The following ZXDC variants were observed in gnomAD, a reference collection of about 807,000 sequenced individuals.
The protein encoded by ZXDC is zinc finger protein ZXDC.
A neutral mutation model predicts 63.6 loss-of-function variants in ZXDC; 58 were observed. The observed-to-expected ratio is 0.91, with a 90% CI of 0.74 to 1.13. The LOEUF (loss-of-function observed/expected upper bound fraction) is 1.13. Ranked by LOEUF, ZXDC falls within the 50% of genes most tolerant of loss-of-function variation. The pLI is 0.00. For synonymous variants in ZXDC, 561 were observed against 496.1 expected, an observed-to-expected ratio of 1.13 and a Z score of -1.74; for missense variants, 1,133 against 1,148.9, an observed-to-expected ratio of 0.99 and a Z score of 0.20.
rs137893633 is a variant in ZXDC, at chr3:126,452,334, C to A, written c.2212+7319G>T. 6.9e-5 allele frequency: 68 copies of A among 985,456 alleles called. No individual in the cohort carries two copies. In the African/African-American group the frequency reaches 1.1e-3, roughly 16 times the overall value. The allele number at this position is 985,456 out of a possible 1,614,324, so 61.0% of individuals were successfully genotyped here. A position where few individuals can be genotyped will look rare whatever the true frequency, so the allele number is the denominator to read the frequency against. Reference sequence around the variant, plus strand: ...TTCTGCATGAAATCGCACTACAATGCTGTGGGAAGAGTGAGAGGCTTCTCT... The same window carrying A: ...TTCTGCATGAAATCGCACTACAATGATGTGGGAAGAGTGAGAGGCTTCTCT... On this transcript the variant is annotated intron_variant, in intron 7 of 9. Transcript: ENST00000389709.
Position 126,461,887 on chromosome 3 carries a change from T to C in ZXDC, c.1775A>G (p.Gln592Arg). 1 of 1,614,200 alleles carries C rather than the reference T, an allele frequency of 6.2e-7. No individual in the cohort carries two copies. Among genetic ancestry groups the C allele is most frequent in the South Asian group, 1.1e-5 (1 of 91,070 alleles). Residue 592 changes from glutamine (Q) to arginine (R), a missense_variant, in exon 6 of 10, where the codon CAG becomes CGG. Transcript: ENST00000389709. ...GTCATCCACACTGAAGCTGCCCTGCTGCAGAACCGTGGCTGCTGTCCCGAG... is the reference window on the plus strand; with the variant it reads ...GTCATCCACACTGAAGCTGCCCTGCCGCAGAACCGTGGCTGCTGTCCCGAG... ...LVLGTAATVL[Q>R]QGSFSVDDVQ... is the part of the protein sequence containing the mutation.
intron 7 of ZXDC, among the ~76,000 whole-genome samples, chr3:126,449,923 G>A (rs1934033020): frequency 6.6e-6 from 1 of 152,230 alleles, no homozygotes. Flanking sequence ...AGGACGCTCT[G>A]TGGAGAAGGA....
chr3:126,451,399 C>T, intron 7 of ZXDC: 1 of 985,416 alleles, frequency 1.0e-6, no homozygotes, highest in Non-Finnish European at 1.2e-6. Flanking sequence ...AACAGTCCCG[C>T]ACTGAGCAGC....
In ZXDC at chr3:126,470,082, C is replaced by T. The variant is rs191386044; in HGVS notation, c.1270+813G>A. Among the ~76,000 whole-genome samples, 7 of 152,316 alleles carry T rather than the reference C, an allele frequency of 4.6e-5. No homozygotes were observed. The East Asian group carries it at 1.2e-3, about 25-fold the overall frequency. On this transcript the variant is annotated intron_variant, in intron 4 of 9. Coordinates refer to ENST00000389709, the MANE Select transcript of ZXDC (RefSeq NM_025112.5). ...CTGCAGAACTAGAGTAGGGCCAGCA[C>T]GCACAAGTCACGCACAGGTCACGCA...
chr3:126,441,314 G>A (rs1335371220), intron 8 of ZXDC: 1 of 997,700 alleles, frequency 1.0e-6, no homozygotes, highest in Non-Finnish European at 1.2e-6. Context: ...CTTCAGCATA[G>A]AAAGGCTGCT....
chr3:126,464,720 G>A (rs1295282132), intron 5 of ZXDC, among the ~76,000 whole-genome samples: 1 of 152,070 alleles, frequency 6.6e-6, no homozygotes, highest in Non-Finnish European at 1.5e-5. Flanking sequence ...CAGGGGAGAG[G>A]CCTAAGTGAT....
At chr3:126,449,440 A>G (rs554990015) in intron 7 of ZXDC, among the ~76,000 whole-genome samples, 45 of 152,290 alleles carry the variant, frequency 3.0e-4, no homozygotes, top group Admixed American at 5.9e-4. Flanking sequence ...CTACAAAGCC[A>G]GGTCCCATCA....
chr3:126,472,497 A>G (rs1024543421), intron 1 of ZXDC, among the ~76,000 whole-genome samples, 192 bp from the exon 2 acceptor site: 2 of 152,224 alleles, frequency 1.3e-5, no homozygotes, highest in Non-Finnish European at 2.9e-5. Flanking sequence ...AGCTAATGGC[A>G]GCCAATAGGC....
At chr3:126,469,995 T>C (rs1444065468) in intron 4 of ZXDC, among the ~76,000 whole-genome samples, 1 of 152,142 alleles carries the variant, frequency 6.6e-6, no homozygotes, top group African/African-American at 2.4e-5. Flanking sequence ...TAGGGAGCGG[T>C]AGAGCCAGAC....
At chr3:126,439,313 C>T (rs1299425493) in intron 9 of ZXDC, among the ~76,000 whole-genome samples, 4 of 152,364 alleles carry the variant, frequency 2.6e-5, no homozygotes, top group Non-Finnish European at 5.9e-5. Flanking sequence ...TGAATTCATC[C>T]GAGTCTATTC....
intron 8 of ZXDC, chr3:126,441,261 C>T (rs1933663906): frequency 9.1e-6 from 9 of 986,268 alleles, no homozygotes; most frequent in Admixed American, 6.1e-5. Context: ...GGCTCTGTTT[C>T]GTAGGAAAGA....
At chr3:126,472,961 G>A (rs761456725) in intron 1 of ZXDC, among the ~76,000 whole-genome samples, 1 of 152,206 alleles carries the variant, frequency 6.6e-6, no homozygotes, top group Non-Finnish European at 1.5e-5. Context: ...CTCCAACAGG[G>A]TGGAAAACAT....
intron 7 of ZXDC, among the ~76,000 whole-genome samples, chr3:126,444,212 A>G (rs528439056): frequency 2.5e-4 from 38 of 152,330 alleles, no homozygotes; most frequent in Non-Finnish European, 4.9e-4. Context: ...TTTAAATTCA[A>G]ATAAAAATAC....
At chr3:126,442,911 C>T (rs1220986845) in intron 7 of ZXDC, 2 of 152,242 alleles carry the variant, frequency 1.3e-5, no homozygotes, top group East Asian at 3.8e-4. Flanking sequence ...GGCTGTTTGA[C>T]AGGAAGGTTC....
rs538420611 is a variant in ZXDC, at chr3:126,469,356, C to T, written c.1270+1539G>A. ...CATCCCCTGCCCTCTGCGCATTAGA[C>T]GCACAAGGGTACCAAAAACACAACA... On this transcript the variant is annotated intron_variant, in intron 4 of 9. Transcript: ENST00000389709. Among the ~76,000 whole-genome samples the T allele has an allele frequency of 5.3e-5, 8 of 152,308 alleles. No individual in the cohort carries two copies. In the East Asian group the frequency reaches 9.7e-4, roughly 18 times the overall value.
chr3:126,466,061 C>A (rs1934745164), intron 5 of ZXDC, 94 bp downstream of exon 5: 2 of 1,458,118 alleles, frequency 1.4e-6, no homozygotes, highest in African/African-American at 2.8e-5. Flanking sequence ...TGCCTGACGC[C>A]TTCCAAGAGG....
At chr3:126,471,713 T>A (rs1191245424) in intron 3 of ZXDC, among the ~76,000 whole-genome samples, 3 of 151,644 alleles carry the variant, frequency 2.0e-5, no homozygotes, top group African/African-American at 7.3e-5. Flanking sequence ...AAAAAAAACC[T>A]GGAATTGTTT....
In ZXDC at chr3:126,457,684, G is replaced by A. The variant is rs150765932; in HGVS notation, c.2212+1969C>T. The A allele has an allele frequency of 5.0e-5, 49 of 979,448 alleles. No individual in the cohort carries two copies. The East Asian group carries it at 2.3e-3, about 45-fold the overall frequency. The allele number at this position is 979,448 out of a possible 1,614,324, so 60.7% of individuals were successfully genotyped here. A position where few individuals can be genotyped will look rare whatever the true frequency, so the allele number is the denominator to read the frequency against. Reference sequence around the variant, plus strand: ...TCAGGGTAAAAAAACGAGAAGCTGCGCTTTATAGACATGTCCCAGCTATAA... The same window carrying A: ...TCAGGGTAAAAAAACGAGAAGCTGCACTTTATAGACATGTCCCAGCTATAA... On this transcript the variant is annotated intron_variant, in intron 7 of 9. Transcript: ENST00000389709.
intron 8 of ZXDC, chr3:126,440,585 C>T: frequency 1.0e-6 from 1 of 986,242 alleles, no homozygotes; most frequent in Non-Finnish European, 1.2e-6. Flanking sequence ...TGACTCTGTA[C>T]CTCTGCCCTG....
Sources: gnomAD v4.1 joint callset for allele counts (sites outside exome capture counted in the v4.1 genomes callset) on GRCh38, gnomAD v4.1.1 for gene constraint, MANE v1.5 for transcripts, NCBI Gene and HGNC (gene_info 2026-07-23, HGNC 2026-07-21) for gene names.